The following ACLY variants were observed in gnomAD, a reference collection of about 807,000 sequenced individuals.
ACLY encodes the protein ATP citrate lyase.
In ACLY, 41 loss-of-function variants were observed where a neutral mutation model predicts 133.0. The observed-to-expected ratio is 0.31, with a 90% CI of 0.24 to 0.40. The LOEUF is 0.40. Ranked by LOEUF, ACLY falls within the 10% of genes least tolerant of loss-of-function variation. The pLI, the probability that ACLY is intolerant of heterozygous loss-of-function variation, is 1.00. For missense variants in ACLY, 1,046 were observed against 1,453.8 expected, an observed-to-expected ratio of 0.72 and a Z score of 4.56; for synonymous variants, 495 against 549.3, an observed-to-expected ratio of 0.90 and a Z score of 1.38.
chr17:41,880,707 AC>A (rs2048889785), intron 20 of ACLY, among the ~76,000 whole-genome samples: 1 of 152,002 alleles, frequency 6.6e-6, no homozygotes, highest in Non-Finnish European at 1.5e-5. Flanking sequence ...CTAAAAGAAT[AC>A]AAAAAAAATT....
At chr17:41,882,594 A>C (rs972743220) in intron 20 of ACLY, among the ~76,000 whole-genome samples, 5 of 152,204 alleles carry the variant, frequency 3.3e-5, no homozygotes, top group Non-Finnish European at 5.9e-5. Context: ...GAAGCTTAGC[A>C]GACAGCAGAA....
At chr17:41,909,809 T>C in intron 4 of ACLY, 109 bp from the exon 5 acceptor site, 1 of 920,704 alleles carries the variant, frequency 1.1e-6, no homozygotes. Flanking sequence ...AGGAAACCAA[T>C]CCCCACGGTC....
chr17:41,915,179 A>C (rs1039767331), intron 1 of ACLY, among the ~76,000 whole-genome samples: 7 of 151,910 alleles, frequency 4.6e-5, no homozygotes, highest in Non-Finnish European at 1.0e-4. Context: ...CCTCTCCAAG[A>C]CTCTGTCCTG....
chr17:41,889,898 C>A (rs943463243), intron 16 of ACLY, among the ~76,000 whole-genome samples: 1 of 152,056 alleles, frequency 6.6e-6, no homozygotes, highest in Non-Finnish European at 1.5e-5. Flanking sequence ...GTCTCGAACT[C>A]CTGACCTCAA....
At chr17:41,885,291 G>A (rs1464175340) in intron 18 of ACLY, among the ~76,000 whole-genome samples, 3 of 152,124 alleles carry the variant, frequency 2.0e-5, no homozygotes, top group African/African-American at 4.8e-5. Flanking sequence ...AAGGACTGGG[G>A]ATTCCCAGGC....
At chr17:41,921,479 G>GAAAAAAAAAAAAA (rs782660866), upstream of ACLY, among the ~76,000 whole-genome samples, 1 of 42,418 alleles carries the variant, frequency 2.4e-5, no homozygotes, top group African/African-American at 9.3e-5. Flanking sequence ...CCCTGTCTCA[G>GAAAAAAAAAAAAA]AAAAAAAAAA....
At position 41,879,003 on chromosome 17, in the gene ACLY, C is replaced by G. The variant is rs1463804487; in HGVS notation, c.2266-79G>C. The G allele has an allele frequency of 4.5e-6, 7 of 1,567,388 alleles. No homozygotes were observed. In the Admixed American group the frequency reaches 8.4e-5, roughly 19 times the overall value. On this transcript the variant is annotated intron_variant, in intron 20 of 28. Transcript: ENST00000352035. ...AATCCCATGTAAAGTGTGCTAAACA[C>G]TTTACATGAATCACTTCATTTAAGC...
In ACLY at chr17:41,924,311, A is replaced by AT. The variant is rs1201140026; in HGVS notation, c.-28+6046dup. ...AGGCACGTGCCACCACACCCGGCTG[A>AT]TTTTTTTTTTTATTTTTAGTAGAGA... On this transcript the variant is annotated intron_variant, in intron 1 of 3. Coordinates refer to the ACLY transcript ENST00000592970. Among the ~76,000 whole-genome samples, 122 of 141,340 alleles carry AT rather than the reference A, an allele frequency of 8.6e-4. No individual in the cohort carries two copies. In the South Asian group the frequency reaches 0.012, roughly 14 times the overall value. 92.7% of individuals were successfully genotyped at this position (141,340 alleles called of 152,430 possible).
chr17:41,900,968 T>C (rs959766163), intron 11 of ACLY, among the ~76,000 whole-genome samples: 1 of 151,926 alleles, frequency 6.6e-6, no homozygotes, highest in Non-Finnish European at 1.5e-5. Flanking sequence ...TCTTCTTTTT[T>C]TTTTGATACA....
At chr17:41,887,998 C>T (rs979594606) in intron 16 of ACLY, among the ~76,000 whole-genome samples, 2 of 151,800 alleles carry the variant, frequency 1.3e-5, no homozygotes, top group East Asian at 1.9e-4. Context: ...TATGGTGGTG[C>T]GCGCCTATAA....
intron 25 of ACLY, among the ~76,000 whole-genome samples, chr17:41,869,955 G>A (rs782566850): frequency 1.3e-5 from 2 of 152,098 alleles, no homozygotes; most frequent in East Asian, 1.9e-4. Flanking sequence ...CCATGCCCCC[G>A]CCAGCTCTGT....
In ACLY at chr17:41,878,850, C is replaced by T; in HGVS notation, c.2340G>A (p.Lys780=). 6.2e-7 allele frequency: 1 copy of T among 1,614,094 alleles called. No individual in the cohort carries two copies. Among genetic ancestry groups the T allele is most frequent in the Non-Finnish European group, 8.5e-7 (1 of 1,179,992 alleles). ...ETAVAKNQAL[K]EAGVFVPRSF... ...TCCGGGGCACAAACACTCCTGCTTC[C>T]TTCAAAGCCTGGTTCTTGGCTACTG... The change falls in exon 21 of 29, where the codon AAG becomes AAA. Residue 780 remains lysine (K), a synonymous_variant. Coordinates refer to ENST00000352035, the MANE Select transcript of ACLY (RefSeq NM_001096.3).
At chr17:41,900,444 T>C (rs918903002) in intron 11 of ACLY, among the ~76,000 whole-genome samples, 1 of 151,458 alleles carries the variant, frequency 6.6e-6, no homozygotes, top group Non-Finnish European at 1.5e-5. Context: ...ACTTGGCTGG[T>C]TGTAGTGGCT....
At chr17:41,871,973 C>G in intron 24 of ACLY, 59 bp downstream of exon 24, 1 of 1,603,342 alleles carries the variant, frequency 6.2e-7, no homozygotes, top group South Asian at 1.1e-5. Flanking sequence ...TGTGGCAAAG[C>G]AGCATGAGGC....
rs117082992 is a variant in ACLY, at chr17:41,904,902, G to T, written c.1004-112C>A. 23 of 1,012,572 alleles carry T rather than the reference G, an allele frequency of 2.3e-5. No individual in the cohort carries two copies. The East Asian group carries it at 2.5e-4, about 11-fold the overall frequency. 62.7% of individuals were successfully genotyped at this position (1,012,572 alleles called of 1,614,324 possible). A position where few individuals can be genotyped will look rare whatever the true frequency, so the allele number is the denominator to read the frequency against. On this transcript the variant is annotated intron_variant, in intron 9 of 28. Transcript: ENST00000352035. ...TCCCCTGAATGAGGGTCCCCCATCT[G>T]CCAGGAGGTACTGGGGAGTGAGTAG...
intron 22 of ACLY, among the ~76,000 whole-genome samples, chr17:41,875,686 C>A (rs1200640695): frequency 6.6e-6 from 1 of 152,036 alleles, no homozygotes; most frequent in Non-Finnish European, 1.5e-5. Flanking sequence ...ACGAGTGATC[C>A]GCCAGCCTCG....
intron 6 of ACLY, 41 bp from the exon 7 acceptor site, chr17:41,907,613 G>C (rs782313198): frequency 6.2e-7 from 1 of 1,602,228 alleles, no homozygotes; most frequent in Non-Finnish European, 8.5e-7. Flanking sequence ...ACCGGCTCTG[G>C]GTAGAGACAA....
upstream of ACLY, chr17:41,919,070 G>A (rs376935961): frequency 8.1e-6 from 10 of 1,238,578 alleles, no homozygotes; most frequent in Non-Finnish European, 8.3e-6. Flanking sequence ...TAGCCTGAGC[G>A]CCAGGGCTCC....
intron 7 of ACLY, 56 bp from the exon 8 acceptor site, chr17:41,906,702 A>AG: frequency 2.0e-6 from 3 of 1,493,656 alleles, no homozygotes; most frequent in Non-Finnish European, 2.8e-6. Flanking sequence ...ACCAGGTCCC[A>AG]GATCCTAGGA....
Sources: allele counts gnomAD v4.1 joint callset (sites outside exome capture counted in the v4.1 genomes callset), GRCh38; gene constraint gnomAD v4.1.1; transcripts MANE v1.5; gene names NCBI Gene and HGNC (gene_info 2026-07-23, HGNC 2026-07-21).